The following AMTN variants were observed in gnomAD, a reference collection of about 807,000 sequenced individuals.
AMTN encodes amelotin, also known as RSTI689.
AMTN carries 29 observed loss-of-function variants against 27.4 expected under a neutral mutation model. The ratio of observed to expected loss-of-function variants is 1.06; its 90% confidence interval spans 0.79 to 1.44. The LOEUF (loss-of-function observed/expected upper bound fraction) is 1.44, where lower values mean the gene tolerates loss of function less well. Among genes scored for constraint, AMTN ranks in the 40% most tolerant of loss-of-function variants. The probability of loss-of-function intolerance (pLI) is 0.00; values close to 1 mark genes in which losing one functional copy is unlikely to be tolerated. For missense variants in AMTN, 247 were observed against 248.8 expected (o/e 0.99, Z 0.05); for synonymous variants, 86 against 95.7 (o/e 0.90, Z 0.59).
At chr4:70,522,605 G>A in intron 2 of AMTN, 150 bp from the exon 3 acceptor site, 1 of 775,284 alleles carries the variant, frequency 1.3e-6, no homozygotes, top group Non-Finnish European at 2.2e-6. Context: ...GTCCTACCAT[G>A]CACATAATGT....
At chr4:70,528,675 C>G (rs375790737) in intron 5 of AMTN, 48 bp from the exon 6 acceptor site, 113 of 1,542,624 alleles carry the variant, frequency 7.3e-5, no homozygotes, top group Non-Finnish European at 9.5e-5. Context: ...GTATTTATAC[C>G]ATCTTCCAGA....
At chr4:70,521,118 GC>G (rs1220287243) in intron 2 of AMTN, among the ~76,000 whole-genome samples, 2 of 152,092 alleles carry the variant, frequency 1.3e-5, no homozygotes, top group Admixed American at 1.3e-4. Flanking sequence ...GGTGGCTAAC[GC>G]CCGTAATCCC....
At chr4:70,528,803 T>C (rs771421098) in intron 6 of AMTN, 45 bp downstream of exon 6, 2 of 1,493,160 alleles carry the variant, frequency 1.3e-6, no homozygotes, top group South Asian at 1.3e-5. Context: ...ATCACCTTGC[T>C]GTGAAAGGTG....
Position 70,532,592 on chromosome 4 carries a change from T to TCTTCTA in AMTN, c.*127_*128insCTTCTA. 1.2e-6 allele frequency: 1 copy of TCTTCTA among 851,010 alleles called. No individual in the cohort carries two copies. The highest frequency in any genetic ancestry group is 1.8e-6 in the Non-Finnish European group (1 of 557,860). 52.7% of individuals were successfully genotyped at this position (851,010 alleles called of 1,614,324 possible). On this transcript the variant is annotated 3_prime_UTR_variant, in exon 9 of 9. Transcript: ENST00000339336. Reference sequence around the variant, plus strand: ...TCTTAGAAGAAATTAATTCTTAATTTACCTGAAAATATTCTTGAAATTTCA... The same window carrying TCTTCTA: ...TCTTAGAAGAAATTAATTCTTAATTTCTTCTAACCTGAAAATATTCTTGAAATTTCA...
rs377619288 is a variant in AMTN, at chr4:70,525,079, G to A, written c.294+118G>A. The A allele has an allele frequency of 1.0e-3, 817 of 798,256 alleles. 8 individuals are homozygous for A. The South Asian group carries it at 0.013, about 12-fold the overall frequency. 49.4% of individuals were successfully genotyped at this position (798,256 alleles called of 1,614,324 possible). A position where few individuals can be genotyped will look rare whatever the true frequency, so the allele number is the denominator to read the frequency against. On this transcript the variant is annotated intron_variant, in intron 5 of 8. Transcript: ENST00000339336. Reference sequence around the variant, plus strand: ...AATTTTGCCCAGATTATTAACTGACGAATGTTCTGCTGAACATAGACCAGT... The same window carrying A: ...AATTTTGCCCAGATTATTAACTGACAAATGTTCTGCTGAACATAGACCAGT...
chr4:70,523,687 G>A (rs1052213054), intron 3 of AMTN, among the ~76,000 whole-genome samples, 181 bp from the exon 4 acceptor site: 10 of 152,092 alleles, frequency 6.6e-5, no homozygotes, highest in Admixed American at 6.5e-4. Flanking sequence ...CATTGCTAGG[G>A]CACCTCCCAG....
chr4:70,526,268 AC>A (rs1355806641), intron 5 of AMTN, among the ~76,000 whole-genome samples: 1 of 152,164 alleles, frequency 6.6e-6, no homozygotes, highest in Non-Finnish European at 1.5e-5. Context: ...ATGTTTTGTA[AC>A]ATGCTTTTTT....
intron 7 of AMTN, among the ~76,000 whole-genome samples, chr4:70,530,115 A>G (rs1736189151): frequency 6.6e-6 from 1 of 152,220 alleles, no homozygotes; most frequent in Non-Finnish European, 1.5e-5. Context: ...ATGAGAAGAA[A>G]AGAGTGGATC....
At chr4:70,528,821 T>C (rs1190952533) in intron 6 of AMTN, 63 bp downstream of exon 6, 1 of 1,375,480 alleles carries the variant, frequency 7.3e-7, no homozygotes, top group Non-Finnish European at 1.0e-6. Context: ...GTGATTTTCT[T>C]TCCTCAATTC....
intron 8 of AMTN, 33 bp downstream of exon 8, chr4:70,531,333 G>T: frequency 6.2e-7 from 1 of 1,609,252 alleles, no homozygotes. Context: ...ATGCTTCTTG[G>T]CTATAAAAGT....
At chr4:70,522,265 T>C (rs747646102) in intron 2 of AMTN, among the ~76,000 whole-genome samples, 4 of 152,120 alleles carry the variant, frequency 2.6e-5, no homozygotes, top group Non-Finnish European at 4.4e-5. Context: ...AATTCAGTGA[T>C]TTTTAATACA....
Position 70,531,136 on chromosome 4 carries a change from G to A in AMTN, c.455G>A (p.Ser152Asn), listed in dbSNP as rs1736212439. ...AGANPDVQDG[S>N]LPAGGAGVNP... ...GCTAATCCAGATGTCCAGGATGGAA[G>A]CCTTCCAGCAGGAGGAGCAGGTGTA... The change falls in exon 8 of 9, where the codon AGC becomes AAC. Residue 152 changes from serine to asparagine, a missense_variant. Transcript: ENST00000339336. 2 of 1,613,926 alleles carry A rather than the reference G, an allele frequency of 1.2e-6. No homozygotes were observed. Among genetic ancestry groups the A allele is most frequent in the South Asian group, 1.1e-5 (1 of 91,080 alleles).
chr4:70,528,885 T>G (rs920727192), intron 6 of AMTN, 127 bp downstream of exon 6: 19 of 769,112 alleles, frequency 2.5e-5, no homozygotes, highest in Non-Finnish European at 3.6e-5. Flanking sequence ...ACACTGATAA[T>G]CACAAGAGCT....
chr4:70,523,986 C>A, intron 4 of AMTN, 53 bp downstream of exon 4: 1 of 1,460,206 alleles, frequency 6.8e-7, no homozygotes, highest in Non-Finnish European at 9.6e-7. Context: ...AATATAATGC[C>A]TAATATTACA....
intron 2 of AMTN, among the ~76,000 whole-genome samples, chr4:70,522,519 C>T (rs3907125): frequency 6.6e-6 from 1 of 151,850 alleles, no homozygotes; most frequent in Non-Finnish European, 1.5e-5. Context: ...GACATCCCAT[C>T]TGCTTGGGTT....
At chr4:70,524,357 C>T (rs1736048183) in intron 4 of AMTN, among the ~76,000 whole-genome samples, 1 of 152,192 alleles carries the variant, frequency 6.6e-6, no homozygotes, top group Non-Finnish European at 1.5e-5. Flanking sequence ...CTTCAGCCCT[C>T]TCATAGAATA....
chr4:70,532,183 A>T (rs1736240071), intron 8 of AMTN, among the ~76,000 whole-genome samples: 1 of 152,234 alleles, frequency 6.6e-6, no homozygotes, highest in South Asian at 2.1e-4. Context: ...CTGTAATAGC[A>T]GGCACTAGTA....
At chr4:70,519,062 C>T (rs1004296565) in intron 2 of AMTN, among the ~76,000 whole-genome samples, 3 of 152,036 alleles carry the variant, frequency 2.0e-5, no homozygotes, top group African/African-American at 7.3e-5. Flanking sequence ...GGTAAAAGGT[C>T]AATTATTTTG....
chr4:70,526,756 G>A (rs1025978185), intron 5 of AMTN, among the ~76,000 whole-genome samples: 1 of 152,126 alleles, frequency 6.6e-6, no homozygotes, highest in African/African-American at 2.4e-5. Context: ...GGAGCCTGGA[G>A]ATGTTACAAA....
Sources: allele counts gnomAD v4.1 joint callset (sites outside exome capture counted in the v4.1 genomes callset), GRCh38; gene constraint gnomAD v4.1.1; transcripts MANE v1.5; gene names NCBI Gene and HGNC (gene_info 2026-07-23, HGNC 2026-07-21).